Variants in ZMYM4 observed in about 807,000 individuals in gnomAD.
ZMYM4 encodes the protein zinc finger MYM-type containing 4, also known as zinc finger MYM-type protein 4.
In ZMYM4, 31 loss-of-function variants were observed where a neutral mutation model predicts 183.2. The ratio of observed to expected loss-of-function variants is 0.17; its 90% CI spans 0.13 to 0.23. The LOEUF is 0.23. Ranked by LOEUF, ZMYM4 falls within the 10% of genes least tolerant of loss-of-function variation. The pLI, the probability that ZMYM4 is intolerant of heterozygous loss-of-function variation, is 1.00. For synonymous variants in ZMYM4, 592 were observed against 631.2 expected, an observed-to-expected ratio of 0.94 and a Z score of 0.93; for missense variants, 1,273 against 1,840.3, an observed-to-expected ratio of 0.69 and a Z score of 5.64.
At chr1:35,350,223 GAAAAAAAAA>G (rs34466044) in intron 2 of ZMYM4, among the ~76,000 whole-genome samples, 35 of 72,446 alleles carry the variant, frequency 4.8e-4, no homozygotes, top group African/African-American at 1.6e-3. Context: ...ACTCCATCTT[GAAAAAAAAA>G]AAAAAAAAAA....
chr1:35,284,950 C>G (rs1273800715), intron 1 of ZMYM4, among the ~76,000 whole-genome samples: 1 of 152,170 alleles, frequency 6.6e-6, no homozygotes, highest in Non-Finnish European at 1.5e-5. Context: ...ACATATGAAT[C>G]TGGGGAGGAG....
At chr1:35,407,090 T>C (rs1305435382) in intron 25 of ZMYM4, among the ~76,000 whole-genome samples, 2 of 152,108 alleles carry the variant, frequency 1.3e-5, no homozygotes, top group African/African-American at 4.8e-5. Context: ...CAAGAGGGTG[T>C]TATTCATTAT....
chr1:35,371,281 A>G (rs938331823), intron 7 of ZMYM4, among the ~76,000 whole-genome samples: 1 of 151,784 alleles, frequency 6.6e-6, no homozygotes, highest in Admixed American at 6.6e-5. Context: ...ATGCCCAGCT[A>G]ATTTTTTCTA....
Position 35,370,322 on chromosome 1 carries a change from A to ACATTTTTT in ZMYM4, c.926-49_926-42dup, listed in dbSNP as rs1269355924. ...CTTAAAATTCATGGTAAAAAGTAAA[A>ACATTTTTT]CATTTTTTTCTTTCAATTTTTTTTT... On this transcript the variant is annotated intron_variant, in intron 6 of 29. Transcript: ENST00000314607. 4.1e-6 allele frequency: 6 copies of ACATTTTTT among 1,458,438 alleles called. No homozygotes were observed. The Admixed American group carries it at 1.7e-4, about 41-fold the overall frequency. 90.3% of individuals were successfully genotyped at this position (1,458,438 alleles called of 1,614,324 possible).
rs1400431247 is a variant in ZMYM4 at position 35,419,889 on chromosome 1, A to G, written c.*212A>G. On this transcript the variant is annotated 3_prime_UTR_variant, in exon 30 of 30. Coordinates refer to ENST00000314607, the MANE Select transcript of ZMYM4 (RefSeq NM_005095.3). Reference sequence around the variant, plus strand: ...GAGAAATGTTCTTTGGCAGTGATATAGTTCTTAGACATCTTCAGAATGACT... The same window carrying G: ...GAGAAATGTTCTTTGGCAGTGATATGGTTCTTAGACATCTTCAGAATGACT... 2 of 564,282 alleles carry G rather than the reference A, an allele frequency of 3.5e-6. No homozygotes were observed. The highest frequency in any genetic ancestry group is 2.1e-5 in the South Asian group (1 of 48,246). 35.0% of individuals were successfully genotyped at this position (564,282 alleles called of 1,614,324 possible).
chr1:35,392,083 C>T lies in ZMYM4; in HGVS notation c.2588-129C>T, dbSNP rs534753129. ...GAAGAAAACCAAAACCCAGTTAATC[C>T]TAAAGTGACTTTTTGCTCCAACAGA... On this transcript the variant is annotated intron_variant, in intron 15 of 29. Transcript: ENST00000314607. The T allele has an allele frequency of 2.4e-5, 30 of 1,226,510 alleles. 2 individuals are homozygous for T. The South Asian group carries it at 3.5e-4, about 14-fold the overall frequency. The allele number at this position is 1,226,510 out of a possible 1,614,324, so 76.0% of individuals were successfully genotyped here.
chr1:35,371,893 A>G (rs1256713630), intron 7 of ZMYM4, among the ~76,000 whole-genome samples: 1 of 152,188 alleles, frequency 6.6e-6, no homozygotes, highest in Admixed American at 6.5e-5. Context: ...ATATACTGTA[A>G]TTTATATATA....
chr1:35,356,057 A>T (rs1447207169), intron 2 of ZMYM4, among the ~76,000 whole-genome samples: 2 of 152,148 alleles, frequency 1.3e-5, no homozygotes. Flanking sequence ...AAAAAATACA[A>T]AGATTAGCCA....
chr1:35,388,485 G>T (rs1644629986), intron 13 of ZMYM4, among the ~76,000 whole-genome samples: 1 of 152,202 alleles, frequency 6.6e-6, no homozygotes, highest in Non-Finnish European at 1.5e-5. Context: ...GATTACAGGT[G>T]TGAGCCACTA....
intron 9 of ZMYM4, among the ~76,000 whole-genome samples, chr1:35,383,048 TAGGA>T (rs1297559141): frequency 6.6e-6 from 1 of 152,160 alleles, no homozygotes. Context: ...CTTTATGAAA[TAGGA>T]AGAAATAGAT....
intron 1 of ZMYM4, among the ~76,000 whole-genome samples, chr1:35,321,490 G>GTTTC (rs1415785161): frequency 6.6e-6 from 1 of 152,036 alleles, no homozygotes; most frequent in Non-Finnish European, 1.5e-5. Context: ...GAATGTGAAG[G>GTTTC]CAGGAAAAGA....
chr1:35,351,715 A>G, intron 2 of ZMYM4: 1 of 446,070 alleles, frequency 2.2e-6, no homozygotes, highest in Non-Finnish European at 4.0e-6. Flanking sequence ...AAAAATGTGC[A>G]GGAGGAATAT....
rs972529756 is a variant in ZMYM4, at chr1:35,392,313, G to T, written c.2689G>T (p.Ala897Ser). 6.2e-7 allele frequency: 1 copy of T among 1,614,064 alleles called. No individual in the cohort carries two copies. Among genetic ancestry groups the T allele is most frequent in the East Asian group, 2.2e-5 (1 of 44,888 alleles). The change falls in exon 16 of 30, where the codon GCT becomes TCT. Residue 897 changes from alanine to serine, a missense_variant. Coordinates refer to ENST00000314607, the MANE Select transcript of ZMYM4 (RefSeq NM_005095.3). ...ANVVSLASAP[A>S]AQPTVNSNSV... The stretch of plus-strand genomic sequence containing the variant: ...TGTAGTATCATTGGCAAGTGCCCCT[G>T]CTGCTCAGCCTACAGTGAATTCTAA...
rs756377454 is a variant in ZMYM4, at chr1:35,420,710, A to T, written c.*1033A>T. The T allele has an allele frequency of 4.6e-5, 7 of 152,636 alleles. No individual in the cohort carries two copies. The highest frequency in any genetic ancestry group is 8.8e-5 in the Non-Finnish European group (6 of 68,048). The allele number at this position is 152,636 out of a possible 1,614,324, so 9.5% of individuals were successfully genotyped here. On this transcript the variant is annotated 3_prime_UTR_variant, in exon 30 of 30. Transcript: ENST00000314607. ...CTTTTCTTACTCTGGCAAACCTGTG[A>T]GTGATTCCACAAAGATACAGTATTA...
chr1:35,338,175 C>G (rs951467178), intron 2 of ZMYM4, among the ~76,000 whole-genome samples: 1 of 152,130 alleles, frequency 6.6e-6, no homozygotes, highest in Non-Finnish European at 1.5e-5. Context: ...TTTACCTACC[C>G]CTGCTGTAGG....
intron 1 of ZMYM4, among the ~76,000 whole-genome samples, chr1:35,281,940 T>C (rs1202602971): frequency 6.6e-6 from 1 of 152,226 alleles, no homozygotes; most frequent in African/African-American, 2.4e-5. Flanking sequence ...GACATTTCAC[T>C]TAGCATATTT....
At chr1:35,369,252 G>A (rs1023110372) in intron 5 of ZMYM4, among the ~76,000 whole-genome samples, 1 of 152,120 alleles carries the variant, frequency 6.6e-6, no homozygotes, top group African/African-American at 2.4e-5. Flanking sequence ...GAATGCAATT[G>A]TATAATTGTA....
chr1:35,356,386 A>G (rs771933356), intron 2 of ZMYM4, among the ~76,000 whole-genome samples: 1 of 152,230 alleles, frequency 6.6e-6, no homozygotes, highest in Non-Finnish European at 1.5e-5. Context: ...GTGGTCAGCT[A>G]CTAATGATGA....
rs185043851 is a variant in ZMYM4, at chr1:35,350,756, G to A, written c.86-8169G>A. ...GTTAAAGTTGTTAAGAATAAGGCCT[G>A]CTTTAAGAGATACCAAGTGAAATTT... On this transcript the variant is annotated intron_variant, in intron 2 of 29. Coordinates refer to ENST00000314607, the MANE Select transcript of ZMYM4 (RefSeq NM_005095.3). 76 of 465,482 alleles carry A rather than the reference G, an allele frequency of 1.6e-4. 2 individuals are homozygous for A. Among genetic ancestry groups the A allele is most frequent in the Non-Finnish European group, 2.4e-4 (61 of 251,144 alleles). The allele number at this position is 465,482 out of a possible 1,614,324, so 28.8% of individuals were successfully genotyped here.
Sources: allele counts gnomAD v4.1 joint callset (sites outside exome capture counted in the v4.1 genomes callset), GRCh38; gene constraint gnomAD v4.1.1; transcripts MANE v1.5; gene names NCBI Gene and HGNC (gene_info 2026-07-23, HGNC 2026-07-21).